The following GNAI1 variants were observed in gnomAD, a reference collection of about 807,000 sequenced individuals.
GNAI1 encodes guanine nucleotide-binding protein G(i) subunit alpha-1.
GNAI1 carries 11 observed loss-of-function variants against 38.9 expected under a neutral mutation model. The ratio of observed to expected loss-of-function variants is 0.28; its 90% CI spans 0.18 to 0.47. GNAI1 has a LOEUF of 0.47. Ranked by LOEUF, GNAI1 falls within the 20% of genes least tolerant of loss-of-function variation. GNAI1 has a pLI of 0.99. For missense variants in GNAI1, 317 were observed against 436.9 expected, an observed-to-expected ratio of 0.73 and a Z score of 2.45; for synonymous variants, 166 against 145.1, an observed-to-expected ratio of 1.14 and a Z score of -1.04.
At chr7:80,155,932 G>C (rs1033721555) in intron 1 of GNAI1, among the ~76,000 whole-genome samples, 1 of 150,476 alleles carries the variant, frequency 6.6e-6, no homozygotes, top group Non-Finnish European at 1.5e-5. Flanking sequence ...TATGCCTGTA[G>C]TCCCAGCTAC....
chr7:80,197,180 A>AT (rs35283597), intron 3 of GNAI1, among the ~76,000 whole-genome samples: 4,510 of 137,400 alleles, frequency 0.033, 143 homozygotes, highest in African/African-American at 0.086. Context: ...GTTTCTGTGG[A>AT]TTTTTTTTTT....
At chr7:80,201,061 A>G (rs549236317) in intron 4 of GNAI1, among the ~76,000 whole-genome samples, 67 of 152,326 alleles carry the variant, frequency 4.4e-4, no homozygotes, top group African/African-American at 1.6e-3. Context: ...CTAATATTGT[A>G]TTCCCATAGC....
chr7:80,214,319 A>T (rs921567856), intron 7 of GNAI1, among the ~76,000 whole-genome samples: 2 of 152,124 alleles, frequency 1.3e-5, no homozygotes, highest in African/African-American at 4.8e-5. Flanking sequence ...CAGAGTCAAG[A>T]TGGCTTAATT....
chr7:80,160,689 T>C (rs1230084228), intron 1 of GNAI1, among the ~76,000 whole-genome samples: 1 of 152,218 alleles, frequency 6.6e-6, no homozygotes, highest in East Asian at 1.9e-4. Flanking sequence ...TTTAGAAGAA[T>C]ATTACTTTGA....
At chr7:80,137,317 C>CTTTTCTTT in intron 1 of GNAI1, among the ~76,000 whole-genome samples, 1 of 53,992 alleles carries the variant, frequency 1.9e-5, no homozygotes, top group Non-Finnish European at 3.4e-5. Flanking sequence ...CTTTTCTTTT[C>CTTTTCTTT]TTTTTTTTTT....
intron 1 of GNAI1, chr7:80,135,648 A>ACCG (rs1390569443): frequency 3.9e-4 from 15 of 38,338 alleles, no homozygotes; most frequent in African/African-American, 1.7e-3. Context: ...AAATGAAAAC[A>ACCG]CCCCCCCCCC....
Position 80,221,079 on chromosome 7 carries a change from T to C in GNAI1, c.*3586T>C, listed in dbSNP as rs78254345. On this transcript the variant is annotated 3_prime_UTR_variant, in exon 8 of 8. Coordinates refer to ENST00000649796, the MANE Select transcript of GNAI1 (RefSeq NM_002069.6). ...TTGATACTGTAATCATTATTACAGA[T>C]GGTAGCATCATCATTGCTTAGTGTG... 2.6e-3 allele frequency among the ~76,000 whole-genome samples: 403 copies of C among 152,306 alleles called. 4 individuals carry two copies. The highest frequency in any genetic ancestry group is 9.3e-3 in the African/African-American group (387 of 41,576).
intron 1 of GNAI1, among the ~76,000 whole-genome samples, chr7:80,169,259 G>A (rs977939450): frequency 5.3e-5 from 8 of 152,116 alleles, no homozygotes; most frequent in African/African-American, 1.9e-4. Context: ...GTTCTGTTGT[G>A]ACTGTTAAAA....
rs532009096 is a variant in GNAI1, at chr7:80,134,947, G to A, written c.-214G>A. 84 of 391,918 alleles carry A rather than the reference G, an allele frequency of 2.1e-4. No individual in the cohort carries two copies. The highest frequency in any genetic ancestry group is 8.9e-4 in the Admixed American group (20 of 22,418). 24.3% of individuals were successfully genotyped at this position (391,918 alleles called of 1,614,324 possible). A position where few individuals can be genotyped will look rare whatever the true frequency, so the allele number is the denominator to read the frequency against. On this transcript the variant is annotated 5_prime_UTR_variant, in exon 1 of 8. Transcript: ENST00000649796. ...ACTTGGGGGCGCTGAGCCGGGCCGG[G>A]AAGCAGAGCCTGGTCGTGAGGAACA...
intron 4 of GNAI1, among the ~76,000 whole-genome samples, chr7:80,203,025 T>A (rs1788715659): frequency 6.6e-6 from 1 of 152,222 alleles, no homozygotes; most frequent in African/African-American, 2.4e-5. Flanking sequence ...AATTACTGAC[T>A]ATACCATATA....
At position 80,217,224 on chromosome 7, in the gene GNAI1, A is replaced by ATGAAACTGACTTCAGTTTCATC. The variant is rs1483209065; in HGVS notation, c.875-77_875-76insAAACTGACTTCAGTTTCATCTG. On this transcript the variant is annotated intron_variant, in intron 7 of 7. Transcript: ENST00000649796. ...TGTATGAAACTGACTTCAGTTTCAT[A>ATGAAACTGACTTCAGTTTCATC]TGTATGAAACTGAATTCAGTATTTT... 1.1e-4 allele frequency: 102 copies of ATGAAACTGACTTCAGTTTCATC among 903,476 alleles called. No homozygotes were observed. The African/African-American group carries it at 1.7e-3, about 15-fold the overall frequency. 56.0% of individuals were successfully genotyped at this position (903,476 alleles called of 1,614,324 possible).
chr7:80,218,030 T>C lies in GNAI1; in HGVS notation c.*537T>C, dbSNP rs952412328. On this transcript the variant is annotated 3_prime_UTR_variant, in exon 8 of 8. Transcript: ENST00000649796. ...TATACTTGTATTAATAAAAATGTTA[T>C]TTGTACAAACATTGCACAGACTATT... 2 of 152,602 alleles carry C rather than the reference T, an allele frequency of 1.3e-5. No individual in the cohort carries two copies. The highest frequency in any genetic ancestry group is 4.8e-5 in the African/African-American group (2 of 41,460). The allele number at this position is 152,602 out of a possible 1,614,324, so 9.5% of individuals were successfully genotyped here.
chr7:80,151,514 G>A (rs1787726796), intron 1 of GNAI1, among the ~76,000 whole-genome samples: 2 of 151,976 alleles, frequency 1.3e-5, no homozygotes, highest in African/African-American at 4.8e-5. Flanking sequence ...CATGTGGTAT[G>A]CCTACTATCA....
intron 1 of GNAI1, among the ~76,000 whole-genome samples, chr7:80,146,399 G>A (rs1195272455): frequency 3.3e-5 from 5 of 152,082 alleles, no homozygotes; most frequent in African/African-American, 1.2e-4. Flanking sequence ...GAGAAAAAAA[G>A]CACTTTAATA....
chr7:80,140,365 A>T (rs1787505725), intron 1 of GNAI1, among the ~76,000 whole-genome samples: 1 of 152,206 alleles, frequency 6.6e-6, no homozygotes, highest in South Asian at 2.1e-4. Context: ...ACAGAATTTA[A>T]TAGATGTTAT....
chr7:80,185,732 AGAAGTGACT>A (rs373424627), intron 1 of GNAI1, among the ~76,000 whole-genome samples: 116 of 152,246 alleles, frequency 7.6e-4, no homozygotes, highest in African/African-American at 2.7e-3. Context: ...CCAGCCTCCC[AGAAGTGACT>A]GTGCTGCCTG....
In GNAI1 at chr7:80,135,250, G is replaced by A. The variant is rs140693023; in HGVS notation, c.90G>A (p.Ala30=). Reference sequence around the variant, plus strand: ...ACCTCCGTGAGGACGGCGAGAAGGCGGCGCGCGAGGTCAAGCTGCTGCTGC... The same window carrying A: ...ACCTCCGTGAGGACGGCGAGAAGGCAGCGCGCGAGGTCAAGCTGCTGCTGC... The part of the protein sequence containing the change: ...DRNLREDGEK[A]AREVKLLLLG... The change falls in exon 1 of 8, where the codon GCG becomes GCA. Residue 30 remains alanine, a synonymous_variant. Transcript: ENST00000649796. 5.2e-4 allele frequency: 795 copies of A among 1,528,996 alleles called. No homozygotes were observed. Among genetic ancestry groups the A allele is most frequent in the Non-Finnish European group, 6.8e-4 (770 of 1,137,736 alleles). 94.7% of individuals were successfully genotyped at this position (1,528,996 alleles called of 1,614,324 possible).
At chr7:80,217,239 T>TATGTATGAAACTGAAG in intron 7 of GNAI1, 64 bp from the exon 8 acceptor site, 18 of 1,053,070 alleles carry the variant, frequency 1.7e-5, no homozygotes, top group East Asian at 2.5e-5. Context: ...TGAAACTGAA[T>TATGTATGAAACTGAAG]TCAGTATTTT....
At position 80,220,802 on chromosome 7, in the gene GNAI1, A is replaced by G. The variant is rs551445578; in HGVS notation, c.*3309A>G. Among the ~76,000 whole-genome samples the G allele has an allele frequency of 6.6e-6, 1 of 152,200 alleles. No individual in the cohort carries two copies. The highest frequency in any genetic ancestry group is 2.1e-4 in the South Asian group (1 of 4,834). ...TTTTAAACCTAGAGCTTCTGACTCC[A>G]TGTCTGTCAGAGGACCCCAAAGATG... is the stretch of plus-strand genomic sequence containing the variant. On this transcript the variant is annotated 3_prime_UTR_variant, in exon 8 of 8. Transcript: ENST00000649796.
Sources: gnomAD v4.1 joint callset for allele counts (sites outside exome capture counted in the v4.1 genomes callset) on GRCh38, gnomAD v4.1.1 for gene constraint, MANE v1.5 for transcripts, NCBI Gene and HGNC (gene_info 2026-07-23, HGNC 2026-07-21) for gene names.